Variants in DARS1 observed in about 807,000 individuals in gnomAD.
DARS1 encodes aspartyl-tRNA synthetase 1, also known as aspartate--tRNA ligase, cytoplasmic.
DARS1 carries 51 observed loss-of-function variants against 68.8 expected under a neutral mutation model. That is an observed-to-expected ratio of 0.74 (90% CI 0.59 to 0.94). The LOEUF (loss-of-function observed/expected upper bound fraction) is 0.94, where lower values mean the gene tolerates loss of function less well. Among genes scored for constraint, DARS1 ranks in the 40% least tolerant of loss-of-function variants. The probability of loss-of-function intolerance (pLI) is 0.00; values close to 1 mark genes in which losing one functional copy is unlikely to be tolerated. For missense variants in DARS1, 607 were observed against 597.3 expected, an observed-to-expected ratio of 1.02 and a Z score of -0.17; for synonymous variants, 203 against 190.4, an observed-to-expected ratio of 1.07 and a Z score of -0.55.
At chr2:135,939,379 G>C (rs1457741618) in intron 5 of DARS1, among the ~76,000 whole-genome samples, 2 of 152,112 alleles carry the variant, frequency 1.3e-5, no homozygotes, top group Non-Finnish European at 2.9e-5. Context: ...TCAACTACAT[G>C]GAAACTGAAC....
intron 4 of DARS1, among the ~76,000 whole-genome samples, chr2:135,954,769 C>T (rs1372874684): frequency 1.3e-5 from 2 of 152,024 alleles, no homozygotes; most frequent in African/African-American, 2.4e-5. Context: ...TTTCCATGAC[C>T]TTTCATCTAA....
intron 1 of DARS1, among the ~76,000 whole-genome samples, chr2:135,984,749 A>G (rs923067555): frequency 3.3e-5 from 5 of 152,192 alleles, no homozygotes; most frequent in African/African-American, 9.7e-5. Flanking sequence ...TACAGCACAC[A>G]TAACTTGTAG....
chr2:135,945,538 C>CA (rs1171968612), intron 4 of DARS1, among the ~76,000 whole-genome samples: 39 of 150,614 alleles, frequency 2.6e-4, no homozygotes, highest in South Asian at 1.0e-3. Flanking sequence ...CCAATTAAAG[C>CA]AAAAAAAAAT....
At chr2:135,909,290 A>C (rs572414861) in intron 15 of DARS1, among the ~76,000 whole-genome samples, 1 of 152,324 alleles carries the variant, frequency 6.6e-6, no homozygotes, top group East Asian at 1.9e-4. Context: ...ACTTAAAAAA[A>C]CAAAAAATAA....
intron 15 of DARS1, among the ~76,000 whole-genome samples, chr2:135,909,306 C>T (rs1471560924): frequency 6.6e-6 from 1 of 151,978 alleles, no homozygotes; most frequent in African/African-American, 2.4e-5. Context: ...AATAAAAAAC[C>T]ATATGTAACG....
chr2:135,978,569 T>C (rs1047366727), intron 3 of DARS1, among the ~76,000 whole-genome samples: 1 of 152,382 alleles, frequency 6.6e-6, no homozygotes, highest in South Asian at 2.1e-4. Context: ...TTGATATTTT[T>C]AGACAATTCT....
At chr2:135,960,446 T>C (rs1355738999) in intron 4 of DARS1, among the ~76,000 whole-genome samples, 1 of 152,182 alleles carries the variant, frequency 6.6e-6, no homozygotes, top group Non-Finnish European at 1.5e-5. Flanking sequence ...AATTTTTAAG[T>C]TTCTTTCCAA....
intron 10 of DARS1, 103 bp downstream of exon 10, chr2:135,920,350 T>C: frequency 1.4e-6 from 2 of 1,447,856 alleles, no homozygotes; most frequent in Non-Finnish European, 1.8e-6. Flanking sequence ...TATATATATG[T>C]TCATAGAAAC....
At chr2:135,937,455 GTAC>G (rs1681495020) in intron 5 of DARS1, among the ~76,000 whole-genome samples, 1 of 151,858 alleles carries the variant, frequency 6.6e-6, no homozygotes, top group Non-Finnish European at 1.5e-5. Context: ...GACCAATAAG[GTAC>G]TATTTATTTT....
intron 3 of DARS1, among the ~76,000 whole-genome samples, chr2:135,973,388 A>C (rs1278742756): frequency 6.6e-6 from 1 of 152,066 alleles, no homozygotes; most frequent in Non-Finnish European, 1.5e-5. Context: ...GAACTCATGG[A>C]TATAGAGAAT....
chr2:135,981,158 T>C (rs1054484170), intron 2 of DARS1, among the ~76,000 whole-genome samples: 2 of 152,190 alleles, frequency 1.3e-5, no homozygotes, highest in African/African-American at 4.8e-5. Context: ...TCTCTCTAAG[T>C]GGAAGAACGC....
At position 135,914,502 on chromosome 2, in the gene DARS1, A is replaced by T. The variant is rs913828972; in HGVS notation, c.1116T>A (p.Asn372Lys). ...TTACCAAATGACCCAACAGCTTTTC[A>T]TTTGGTGTGCTGAAAAAGAAACGTG... The part of the protein sequence containing the change: ...MGDEDDLSTP[N>K]EKLLGHLVKE... The change falls in exon 12 of 16, where the codon AAT becomes AAA. Residue 372 changes from asparagine to lysine, a missense_variant. Physicochemically the swap from Asn to Lys is moderately conservative, Grantham distance 94. Transcript: ENST00000264161. 1.4e-6 allele frequency: 2 copies of T among 1,457,450 alleles called. No homozygotes were observed. The highest frequency in any genetic ancestry group is 1.9e-6 in the Non-Finnish European group (2 of 1,037,182). 90.3% of individuals were successfully genotyped at this position (1,457,450 alleles called of 1,614,324 possible).
chr2:135,968,596 C>G lies in DARS1; in HGVS notation c.218-7098G>C, dbSNP rs191165604. Among the ~76,000 whole-genome samples the G allele has an allele frequency of 4.0e-5, 6 of 151,850 alleles. No individual in the cohort carries two copies. The East Asian group carries it at 9.7e-4, about 25-fold the overall frequency. On this transcript the variant is annotated intron_variant, in intron 3 of 15. Coordinates refer to ENST00000264161, the MANE Select transcript of DARS1 (RefSeq NM_001349.4). ...GATAATCCATTCAAGGGGGTAGAGC[C>G]CTCATGACCCAATCACCTCTTAAAG...
intron 4 of DARS1, among the ~76,000 whole-genome samples, chr2:135,952,284 T>A (rs190191287): frequency 6.6e-6 from 1 of 152,088 alleles, no homozygotes. Context: ...GTTTTTTTTT[T>A]TAAATTGACA....
At chr2:135,985,647 C>T (rs1162405529), upstream of DARS1, 75 of 1,422,292 alleles carry the variant, frequency 5.3e-5, no homozygotes, top group Non-Finnish European at 6.9e-5. Context: ...GCGGCTATCT[C>T]GAGATCCCGG....
chr2:135,943,447 A>T lies in DARS1; in HGVS notation c.354T>A (p.Gly118=). ...TTTTCTGATTCACTTTTCTCACAAC[A>T]CCTTCTACATCCACAATGCTCTCTT... The part of the protein sequence containing the change: ...INKESIVDVE[G]VVRKVNQKIG... The change falls in exon 5 of 16, where the codon GGT becomes GGA. Residue 118 remains glycine, a synonymous_variant. Transcript: ENST00000264161. 6.2e-7 allele frequency: 1 copy of T among 1,613,570 alleles called. No homozygotes were observed.
intron 4 of DARS1, among the ~76,000 whole-genome samples, chr2:135,947,166 G>A (rs541306565): frequency 2.6e-5 from 4 of 152,236 alleles, no homozygotes; most frequent in African/African-American, 9.6e-5. Context: ...GCACTTCTGG[G>A]AGGTCGGGGT....
intron 10 of DARS1, among the ~76,000 whole-genome samples, chr2:135,917,682 T>A (rs1681035118): frequency 1.3e-5 from 2 of 152,108 alleles, no homozygotes; most frequent in Admixed American, 1.3e-4. Flanking sequence ...TTTCACCATG[T>A]TGCCCAGGCT....
intron 3 of DARS1, among the ~76,000 whole-genome samples, chr2:135,976,648 T>A (rs897068365): frequency 1.3e-5 from 2 of 152,064 alleles, no homozygotes; most frequent in Admixed American, 6.5e-5. Context: ...AGGAAGAACA[T>A]TCTCAAATCC....
Sources: allele counts gnomAD v4.1 joint callset (sites outside exome capture counted in the v4.1 genomes callset), GRCh38; gene constraint gnomAD v4.1.1; transcripts MANE v1.5; gene names NCBI Gene and HGNC (gene_info 2026-07-23, HGNC 2026-07-21).